Variants in DIP2B observed in about 807,000 individuals in gnomAD.
The protein encoded by DIP2B is disco-interacting protein 2 homolog B.
A neutral mutation model predicts 198.0 loss-of-function variants in DIP2B; 76 were observed. The ratio of observed to expected loss-of-function variants is 0.38; its 90% CI spans 0.32 to 0.46. DIP2B has a LOEUF of 0.46. Ranked by LOEUF, DIP2B falls within the 20% of genes least tolerant of loss-of-function variation. DIP2B has a pLI of 0.99. For missense variants in DIP2B, 1,559 were observed against 1,978.4 expected, an observed-to-expected ratio of 0.79 and a Z score of 4.02; for synonymous variants, 701 against 739.1, an observed-to-expected ratio of 0.95 and a Z score of 0.84.
intron 1 of DIP2B, among the ~76,000 whole-genome samples, chr12:50,593,702 T>TCTCCCCTCCTCTCCTCTCCC (rs1958840627): frequency 1.8e-5 from 1 of 56,520 alleles, no homozygotes; most frequent in African/African-American, 7.3e-5. Context: ...TCTCCTCTCC[T>TCTCCCCTCCTCTCCTCTCCC]CTCCCCTCCT....
intron 30 of DIP2B, among the ~76,000 whole-genome samples, chr12:50,730,095 C>G (rs1295825975): frequency 6.6e-6 from 1 of 152,200 alleles, no homozygotes; most frequent in East Asian, 1.9e-4. Context: ...TGAACTATTG[C>G]AGCCTCTCCT....
chr12:50,592,698 G>C (rs750424548), intron 1 of DIP2B, among the ~76,000 whole-genome samples: 5 of 151,778 alleles, frequency 3.3e-5, no homozygotes, highest in Non-Finnish European at 5.9e-5. Flanking sequence ...GGCTGGTCTC[G>C]AACTCCTGAC....
chr12:50,657,526 G>A (rs766525948), intron 3 of DIP2B, among the ~76,000 whole-genome samples: 2 of 151,974 alleles, frequency 1.3e-5, no homozygotes, highest in Admixed American at 6.6e-5. Flanking sequence ...GGTGGCTCAT[G>A]CTTGTAATCC....
At chr12:50,580,082 G>A (rs1380616857) in intron 1 of DIP2B, among the ~76,000 whole-genome samples, 1 of 148,586 alleles carries the variant, frequency 6.7e-6, no homozygotes, top group Non-Finnish European at 1.5e-5. Context: ...TGGCTTGCTT[G>A]TGTGTACATT....
Position 50,741,544 on chromosome 12 carries a change from C to T in DIP2B, c.4478+5C>T, listed in dbSNP as rs760131281. 8.1e-6 allele frequency: 13 copies of T among 1,611,678 alleles called. No individual in the cohort carries two copies. The highest frequency in any genetic ancestry group is 1.1e-5 in the Non-Finnish European group (13 of 1,178,774). ...CCACAGAAGCATTGCTGAATGGTAA[C>T]TCCCTCAGCATACACTGTGCTTCCC... On this transcript the variant is annotated splice_donor_5th_base_variant and intron_variant, in intron 37 of 37. Coordinates refer to ENST00000301180, the MANE Select transcript of DIP2B (RefSeq NM_173602.3).
intron 1 of DIP2B, among the ~76,000 whole-genome samples, chr12:50,523,950 G>A (rs997144807): frequency 3.9e-5 from 6 of 152,182 alleles, no homozygotes; most frequent in African/African-American, 1.4e-4. Context: ...TTCCTGCAAT[G>A]TCTTTCCAGT....
At chr12:50,566,450 A>G (rs924614857) in intron 1 of DIP2B, among the ~76,000 whole-genome samples, 5 of 152,178 alleles carry the variant, frequency 3.3e-5, no homozygotes, top group Admixed American at 6.5e-5. Context: ...ATTACATATA[A>G]TGTGTCTTTT....
intron 3 of DIP2B, among the ~76,000 whole-genome samples, chr12:50,652,344 A>C (rs1439261500): frequency 1.3e-5 from 1 of 77,932 alleles, no homozygotes; most frequent in Non-Finnish European, 2.4e-5. Flanking sequence ...TAATATATAT[A>C]ATACACACAC....
intron 3 of DIP2B, among the ~76,000 whole-genome samples, chr12:50,659,434 G>GCTACCTCAGCTGTTAT (rs1367472365): frequency 6.6e-5 from 10 of 151,940 alleles, no homozygotes; most frequent in Non-Finnish European, 1.0e-4. Context: ...GACTTAGGAA[G>GCTACCTCAGCTGTTAT]CTACCTCAGC....
intron 4 of DIP2B, among the ~76,000 whole-genome samples, chr12:50,661,992 C>T (rs1479415809): frequency 1.3e-5 from 2 of 152,212 alleles, no homozygotes; most frequent in African/African-American, 4.8e-5. Flanking sequence ...TTCACGAACT[C>T]TAGAAACAAA....
intron 1 of DIP2B, among the ~76,000 whole-genome samples, chr12:50,586,607 C>T (rs1593631581): frequency 1.3e-5 from 2 of 152,334 alleles, no homozygotes; most frequent in East Asian, 3.9e-4. Context: ...GAGTCTTGGT[C>T]TGTTGCCCAG....
intron 2 of DIP2B, among the ~76,000 whole-genome samples, chr12:50,629,965 T>G (rs1441014553): frequency 7.0e-6 from 1 of 142,978 alleles, no homozygotes; most frequent in African/African-American, 2.5e-5. Flanking sequence ...TTTTTTTTTT[T>G]TAATGAGACA....
rs542194166 is a variant in DIP2B at position 50,748,222 on chromosome 12, G to C, written c.*3383G>C. On this transcript the variant is annotated 3_prime_UTR_variant, in exon 38 of 38. Transcript: ENST00000301180. ...ATCTTTTAGTCTAAAGCAATGAGGA[G>C]TTATCACCTCATCCTCAAACTCCAA... 6.5e-6 allele frequency: 1 copy of C among 152,760 alleles called. No individual in the cohort carries two copies. Among genetic ancestry groups the C allele is most frequent in the East Asian group, 1.9e-4 (1 of 5,192 alleles). 9.5% of individuals were successfully genotyped at this position (152,760 alleles called of 1,614,324 possible).
At chr12:50,576,336 G>C (rs996555854) in intron 1 of DIP2B, among the ~76,000 whole-genome samples, 1 of 151,264 alleles carries the variant, frequency 6.6e-6, no homozygotes, top group Non-Finnish European at 1.5e-5. Flanking sequence ...CAAAGTGCTG[G>C]GATTACAGAT....
At chr12:50,531,064 G>A (rs1162236349) in intron 1 of DIP2B, among the ~76,000 whole-genome samples, 1 of 152,202 alleles carries the variant, frequency 6.6e-6, no homozygotes, top group Non-Finnish European at 1.5e-5. Context: ...TATATATGTT[G>A]AGATGGAGTC....
At chr12:50,603,981 CTT>C (rs1958960498) in intron 1 of DIP2B, among the ~76,000 whole-genome samples, 1 of 151,982 alleles carries the variant, frequency 6.6e-6, no homozygotes, top group Non-Finnish European at 1.5e-5. Flanking sequence ...TAGAAGAACA[CTT>C]TGGGGAAATG....
intron 4 of DIP2B, among the ~76,000 whole-genome samples, chr12:50,666,511 A>C (rs918357031): frequency 2.6e-5 from 4 of 152,190 alleles, no homozygotes; most frequent in African/African-American, 9.7e-5. Flanking sequence ...TGTATACAGG[A>C]GCAAGGGAGA....
chr12:50,721,177 C>T, intron 25 of DIP2B, 96 bp from the exon 26 acceptor site: 1 of 1,498,438 alleles, frequency 6.7e-7, no homozygotes, highest in East Asian at 2.3e-5. Context: ...TCTACAAAAG[C>T]ACAAGCCTTT....
At chr12:50,711,896 T>C (rs149941103) in intron 22 of DIP2B, among the ~76,000 whole-genome samples, 2 of 152,330 alleles carry the variant, frequency 1.3e-5, no homozygotes, top group Non-Finnish European at 2.9e-5. Context: ...TGGCCACGCA[T>C]GGTGGCTCAT....
Sources: allele counts gnomAD v4.1 joint callset (sites outside exome capture counted in the v4.1 genomes callset), GRCh38; gene constraint gnomAD v4.1.1; transcripts MANE v1.5; gene names NCBI Gene and HGNC (gene_info 2026-07-23, HGNC 2026-07-21).